The following FTO variants were observed in gnomAD, a reference collection of about 807,000 sequenced individuals.
FTO encodes the protein alpha-ketoglutarate-dependent dioxygenase FTO.
In FTO, 47 loss-of-function variants were observed where a neutral mutation model predicts 63.9. That is an observed-to-expected ratio of 0.74 (90% CI 0.58 to 0.94). FTO has a LOEUF of 0.94. Ranked by LOEUF, FTO falls within the 40% of genes least tolerant of loss-of-function variation. The pLI, the probability that FTO is intolerant of heterozygous loss-of-function variation, is 0.00. For missense variants in FTO, 562 were observed against 618.1 expected (o/e 0.91, Z 0.96); for synonymous variants, 207 against 224.4 (o/e 0.92, Z 0.69).
intron 8 of FTO, among the ~76,000 whole-genome samples, chr16:53,986,157 C>G (rs558148060): frequency 2.0e-5 from 3 of 152,308 alleles, no homozygotes; most frequent in African/African-American, 7.2e-5. Flanking sequence ...TCACATTGCT[C>G]TAACACTTCA....
chr16:54,025,249 T>C (rs1205853345), intron 8 of FTO, among the ~76,000 whole-genome samples: 1 of 152,126 alleles, frequency 6.6e-6, no homozygotes, highest in African/African-American at 2.4e-5. Context: ...TACTAGAAGA[T>C]AGAGAAATGG....
At chr16:53,856,532 T>C (rs1478562526) in intron 4 of FTO, among the ~76,000 whole-genome samples, 1 of 152,082 alleles carries the variant, frequency 6.6e-6, no homozygotes, top group Admixed American at 6.6e-5. Context: ...GGTGGATCAC[T>C]TGAGGTCAGG....
intron 2 of FTO, among the ~76,000 whole-genome samples, chr16:53,817,138 A>T (rs542752930): frequency 6.6e-6 from 1 of 152,368 alleles, no homozygotes; most frequent in South Asian, 2.1e-4. Context: ...TGCCTGGTAC[A>T]TAGGAAGTAT....
chr16:53,958,323 T>G (rs1296390239), intron 8 of FTO, among the ~76,000 whole-genome samples: 1 of 152,234 alleles, frequency 6.6e-6, no homozygotes, highest in Non-Finnish European at 1.5e-5. Flanking sequence ...TAGTTTCTTA[T>G]GGCAGAGGAG....
At chr16:53,814,135 C>T (rs983423254) in intron 2 of FTO, among the ~76,000 whole-genome samples, 1 of 152,156 alleles carries the variant, frequency 6.6e-6, no homozygotes, top group East Asian at 1.9e-4. Context: ...TTCAAAACAC[C>T]TTCAGAGAAG....
At chr16:54,110,183 G>C (rs1171128961) in intron 8 of FTO, among the ~76,000 whole-genome samples, 1 of 152,176 alleles carries the variant, frequency 6.6e-6, no homozygotes. Flanking sequence ...TGATTAAGTA[G>C]TCTACAGAAC....
intron 8 of FTO, among the ~76,000 whole-genome samples, chr16:53,957,325 T>G (rs1325859930): frequency 1.3e-5 from 2 of 152,242 alleles, no homozygotes; most frequent in Non-Finnish European, 2.9e-5. Context: ...CTTCCTCCAC[T>G]TGGCTTGGTG....
At chr16:53,816,850 C>A (rs1001236977) in intron 2 of FTO, among the ~76,000 whole-genome samples, 46 of 152,296 alleles carry the variant, frequency 3.0e-4, no homozygotes, top group African/African-American at 1.1e-3. Flanking sequence ...AGGACATGAG[C>A]TTCTAGAGAG....
At chr16:53,837,937 C>T (rs2079349835) in intron 3 of FTO, among the ~76,000 whole-genome samples, 1 of 152,142 alleles carries the variant, frequency 6.6e-6, no homozygotes, top group Non-Finnish European at 1.5e-5. Flanking sequence ...GTCCTGGTCT[C>T]CACCCACCTC....
chr16:53,979,566 T>TGTGTGC (rs1555499751), intron 8 of FTO: 9 of 331,808 alleles, frequency 2.7e-5, no homozygotes, highest in East Asian at 1.3e-4. Context: ...TGTGTGTGTG[T>TGTGTGC]GCGCGCGTGT....
intron 1 of FTO, among the ~76,000 whole-genome samples, chr16:53,739,692 T>C (rs1422037489): frequency 1.3e-5 from 2 of 152,190 alleles, no homozygotes; most frequent in South Asian, 4.1e-4. Context: ...GAGATCATAT[T>C]TCCCACTCCC....
Position 53,912,317 on chromosome 16 carries a change from T to C in FTO, c.1240-21668T>C, listed in dbSNP as rs796182672. 5.9e-5 allele frequency among the ~76,000 whole-genome samples: 9 copies of C among 152,202 alleles called. No homozygotes were observed. The South Asian group carries it at 1.9e-3, about 32-fold the overall frequency. ...AACACTTTAGCCTCTGCTAATCACT[T>C]GCTGGTATCAGATGAGCCTCTTCCC... is the stretch of plus-strand genomic sequence containing the variant. On this transcript the variant is annotated intron_variant, in intron 7 of 8. Transcript: ENST00000471389.
chr16:53,928,237 C>G (rs1397865073), intron 7 of FTO, among the ~76,000 whole-genome samples: 1 of 152,128 alleles, frequency 6.6e-6, no homozygotes, highest in Non-Finnish European at 1.5e-5. Context: ...AATTTAGCCA[C>G]CAGGACACGT....
chr16:53,732,344 C>T (rs1041567493), intron 1 of FTO, among the ~76,000 whole-genome samples: 5 of 152,234 alleles, frequency 3.3e-5, no homozygotes, highest in South Asian at 2.1e-4. Flanking sequence ...AGCCACCATG[C>T]CTGGCCCATT....
At chr16:53,886,620 TTTTTG>T (rs907619691) in intron 6 of FTO, among the ~76,000 whole-genome samples, 24 of 152,334 alleles carry the variant, frequency 1.6e-4, no homozygotes, top group Admixed American at 9.8e-4. Flanking sequence ...CTACATTCCT[TTTTTG>T]TTTTGTTTTG....
Position 53,810,182 on chromosome 16 carries a change from T to C in FTO, c.88T>C (p.Tyr30His), listed in dbSNP as rs1275818602. The C allele has an allele frequency of 2.0e-5, 32 of 1,611,330 alleles. No individual in the cohort carries two copies. Among genetic ancestry groups the C allele is most frequent in the Non-Finnish European group, 2.4e-5 (28 of 1,178,130 alleles). Residue 30 changes from tyrosine (Y) to histidine (H), a missense_variant, in exon 2 of 9, where the codon TAT (tyrosine) becomes CAT (histidine). Physicochemically the swap from Tyr to His is moderately conservative, Grantham distance 83. Transcript: ENST00000471389. ...AGAGCTTGAAGACACTTGGCTCCCT[T>C]ATCTGACCCCCAAAGATGATGAATT... The part of the protein sequence containing the change: ...LEELEDTWLP[Y>H]LTPKDDEFYQ...
intron 1 of FTO, among the ~76,000 whole-genome samples, chr16:53,775,847 T>C (rs1393419308): frequency 1.3e-5 from 2 of 152,184 alleles, no homozygotes; most frequent in African/African-American, 4.8e-5. Context: ...TCTCCTTTCT[T>C]CATACTTATA....
chr16:53,875,196 G>A (rs993661772), intron 5 of FTO, among the ~76,000 whole-genome samples: 3 of 151,976 alleles, frequency 2.0e-5, no homozygotes, highest in Admixed American at 6.6e-5. Context: ...CCAGTTATAG[G>A]CATCTGTCTT....
chr16:53,822,174 T>G (rs192592485), intron 2 of FTO, among the ~76,000 whole-genome samples: 1 of 152,310 alleles, frequency 6.6e-6, no homozygotes, highest in Non-Finnish European at 1.5e-5. Flanking sequence ...CCAGCATACA[T>G]TCTTAGCTAG....
Sources: allele counts gnomAD v4.1 joint callset (sites outside exome capture counted in the v4.1 genomes callset), GRCh38; gene constraint gnomAD v4.1.1; transcripts MANE v1.5; gene names NCBI Gene and HGNC (gene_info 2026-07-23, HGNC 2026-07-21).